Variants in CTNNA1 observed in about 807,000 individuals in gnomAD.
CTNNA1 encodes the protein catenin alpha 1, also known as catenin alpha-1.
In CTNNA1, 37 loss-of-function variants were observed where a neutral mutation model predicts 98.4. The ratio of observed to expected loss-of-function variants is 0.38; its 90% CI spans 0.29 to 0.49. CTNNA1 has a LOEUF of 0.49. Among genes scored for constraint, CTNNA1 ranks in the 20% least tolerant of loss-of-function variants. CTNNA1 has a pLI of 0.95. For missense variants in CTNNA1, 761 were observed against 1,147.2 expected (o/e 0.66, Z 4.86); for synonymous variants, 404 against 413.2 (o/e 0.98, Z 0.27).
intron 7 of CTNNA1, chr5:138,870,080 A>G (rs1220214677): frequency 1.3e-5 from 2 of 152,126 alleles, no homozygotes; most frequent in Non-Finnish European, 2.9e-5. Flanking sequence ...CTTAATGGTC[A>G]TTTTCCTCTA....
chr5:138,799,865 T>G (rs1225824124), intron 3 of CTNNA1, among the ~76,000 whole-genome samples: 1 of 148,994 alleles, frequency 6.7e-6, no homozygotes, highest in African/African-American at 2.6e-5. Context: ...TAGATGTATG[T>G]ATGTATGTAT....
intron 7 of CTNNA1, chr5:138,828,034 C>T: frequency 7.9e-6 from 2 of 254,098 alleles, no homozygotes; most frequent in South Asian, 6.2e-5. Context: ...ATGGTATATA[C>T]ACAAACATCC....
chr5:138,907,138 C>T (rs1057137265), intron 10 of CTNNA1, among the ~76,000 whole-genome samples: 2 of 152,214 alleles, frequency 1.3e-5, no homozygotes, highest in African/African-American at 4.8e-5. Context: ...TCTCCTGCTG[C>T]AGCCTCCCAA....
At position 138,848,214 on chromosome 5, in the gene CTNNA1, G is replaced by A. The variant is rs560629869; in HGVS notation, c.1062+20496G>A. On this transcript the variant is annotated intron_variant, in intron 7 of 17. Coordinates refer to ENST00000302763, the MANE Select transcript of CTNNA1 (RefSeq NM_001903.5). ...TGAAAAGTTACCTAAGCTTTCCCAA[G>A]TCTATGTTTCCTCAACTGGGAACTG... is the stretch of plus-strand genomic sequence containing the variant. Among the ~76,000 whole-genome samples the A allele has an allele frequency of 8.5e-5, 13 of 152,356 alleles. No homozygotes were observed. The South Asian group carries it at 2.7e-3, about 32-fold the overall frequency.
chr5:138,860,616 C>T (rs998605369), intron 7 of CTNNA1, among the ~76,000 whole-genome samples: 1 of 152,142 alleles, frequency 6.6e-6, no homozygotes, highest in Non-Finnish European at 1.5e-5. Context: ...CTGCCTCAAC[C>T]TCCTGAGTAG....
chr5:138,884,949 T>C (rs1176825027), intron 7 of CTNNA1, among the ~76,000 whole-genome samples: 1 of 152,048 alleles, frequency 6.6e-6, no homozygotes, highest in Non-Finnish European at 1.5e-5. Flanking sequence ...AGTACAAGAG[T>C]GCTAGGGGGA....
chr5:138,837,239 G>A (rs986007046), intron 7 of CTNNA1, among the ~76,000 whole-genome samples: 2 of 152,086 alleles, frequency 1.3e-5, no homozygotes, highest in Non-Finnish European at 2.9e-5. Flanking sequence ...GTATATCAAA[G>A]CGATTTTTGA....
chr5:138,771,149 GGAT>G (rs1473285834), intron 1 of CTNNA1, among the ~76,000 whole-genome samples: 1 of 151,458 alleles, frequency 6.6e-6, no homozygotes, highest in Non-Finnish European at 1.5e-5. Flanking sequence ...CTGCTTTCTG[GGAT>G]AGTGACTATA....
At chr5:138,896,878 C>T (rs965595910) in intron 9 of CTNNA1, among the ~76,000 whole-genome samples, 5 of 152,040 alleles carry the variant, frequency 3.3e-5, no homozygotes, top group Admixed American at 2.0e-4. Context: ...AACGCAGTAC[C>T]CATGTGTCCT....
chr5:138,805,595 G>A (rs1234931820), intron 3 of CTNNA1, among the ~76,000 whole-genome samples: 1 of 151,544 alleles, frequency 6.6e-6, no homozygotes, highest in East Asian at 1.9e-4. Context: ...ATTTTAAGTT[G>A]GATTATTGGT....
At chr5:138,890,725 A>T (rs1755152285) in intron 9 of CTNNA1, among the ~76,000 whole-genome samples, 1 of 152,168 alleles carries the variant, frequency 6.6e-6, no homozygotes, top group Admixed American at 6.5e-5. Flanking sequence ...AGTTGAACTC[A>T]ATCTCCAGTC....
intron 3 of CTNNA1, among the ~76,000 whole-genome samples, chr5:138,807,007 A>ATTT (rs1758147684): frequency 7.4e-6 from 1 of 134,824 alleles, no homozygotes; most frequent in Non-Finnish European, 1.6e-5. Flanking sequence ...TAGATGTTGG[A>ATTT]CTTTTTTTTT....
chr5:138,858,744 T>A (rs1303543768), intron 7 of CTNNA1, among the ~76,000 whole-genome samples: 2 of 151,986 alleles, frequency 1.3e-5, no homozygotes, highest in African/African-American at 4.8e-5. Context: ...TACAGGCACC[T>A]GCCACCACGC....
chr5:138,796,229 TTTTAC>T (rs1436995133), intron 3 of CTNNA1, among the ~76,000 whole-genome samples: 1 of 152,250 alleles, frequency 6.6e-6, no homozygotes, highest in African/African-American at 2.4e-5. Context: ...AATCCTAGTT[TTTTAC>T]TTTAAAGACT....
intron 3 of CTNNA1, among the ~76,000 whole-genome samples, chr5:138,787,361 T>C (rs1755821041): frequency 6.6e-6 from 1 of 151,708 alleles, no homozygotes; most frequent in African/African-American, 2.4e-5. Flanking sequence ...GAGCTGGCAG[T>C]GAGCCGAGAC....
At position 138,799,069 on chromosome 5, in the gene CTNNA1, A is replaced by G. The variant is rs142475870; in HGVS notation, c.302-10969A>G. ...GTGCCTGGCTAATTTTTGTATTATT[A>G]TTTTTTAGTAGTTCTGGTCTTGAAC... On this transcript the variant is annotated intron_variant, in intron 3 of 17. Coordinates refer to ENST00000302763, the MANE Select transcript of CTNNA1 (RefSeq NM_001903.5). Among the ~76,000 whole-genome samples, 173 of 151,880 alleles carry G rather than the reference A, an allele frequency of 1.1e-3. 1 individual carries two copies. Among genetic ancestry groups the G allele is most frequent in the African/African-American group, 3.9e-3 (160 of 41,414 alleles).
intron 14 of CTNNA1, 97 bp from the exon 15 acceptor site, chr5:138,930,376 T>TATGCCA: frequency 1.1e-6 from 1 of 871,514 alleles, no homozygotes; most frequent in Non-Finnish European, 1.8e-6. Flanking sequence ...TTATCCTACC[T>TATGCCA]ATGCCACAGA....
intron 3 of CTNNA1, among the ~76,000 whole-genome samples, chr5:138,803,598 CTT>C (rs1294561755): frequency 6.6e-6 from 1 of 152,192 alleles, no homozygotes; most frequent in African/African-American, 2.4e-5. Context: ...CTTCCATAAT[CTT>C]TTTAGATCTT....
intron 7 of CTNNA1, among the ~76,000 whole-genome samples, chr5:138,876,276 G>A (rs1271864454): frequency 6.6e-6 from 1 of 152,182 alleles, no homozygotes; most frequent in Non-Finnish European, 1.5e-5. Flanking sequence ...TTGCACCCTA[G>A]TTCCCAGCCA....
Sources: gnomAD v4.1 joint callset for allele counts (sites outside exome capture counted in the v4.1 genomes callset) on GRCh38, gnomAD v4.1.1 for gene constraint, MANE v1.5 for transcripts, NCBI Gene and HGNC (gene_info 2026-07-23, HGNC 2026-07-21) for gene names.